The following VMP1 variants were observed in gnomAD, a reference collection of about 807,000 sequenced individuals.
The protein encoded by VMP1 is ectopic P-granules autophagy protein 3 homolog.
Under a neutral mutation model 56.0 loss-of-function variants are expected in VMP1, and 11 were observed. The observed-to-expected ratio is 0.20, with a 90% CI of 0.12 to 0.32. VMP1 has a LOEUF of 0.32. VMP1 is among the 10% of genes least tolerant of loss of function. VMP1 has a pLI of 1.00. For synonymous variants in VMP1, 149 were observed against 165.0 expected (o/e 0.90, Z 0.74); for missense variants, 296 against 490.3 (o/e 0.60, Z 3.74).
chr17:59,829,279 G>T (rs1239886312), intron 10 of VMP1, among the ~76,000 whole-genome samples: 2 of 152,052 alleles, frequency 1.3e-5, no homozygotes, highest in Non-Finnish European at 2.9e-5. Flanking sequence ...ACTTATTCTG[G>T]ATTAATAAAG....
At chr17:59,760,500 A>G (rs189325056) in intron 5 of VMP1, among the ~76,000 whole-genome samples, 5 of 151,972 alleles carry the variant, frequency 3.3e-5, no homozygotes, top group Admixed American at 3.3e-4. Context: ...TTCCCTGTAG[A>G]TGTTTTATTT....
intron 7 of VMP1, among the ~76,000 whole-genome samples, chr17:59,793,946 A>C (rs1383370478): frequency 6.7e-6 from 1 of 149,288 alleles, no homozygotes; most frequent in Non-Finnish European, 1.5e-5. Flanking sequence ...TTCAAGACAG[A>C]GTCTTGCTCT....
At chr17:59,736,139 G>A (rs1164698404) in intron 3 of VMP1, among the ~76,000 whole-genome samples, 1 of 152,124 alleles carries the variant, frequency 6.6e-6, no homozygotes, top group East Asian at 1.9e-4. Flanking sequence ...TAGGCCAGGC[G>A]TGGTGGCTCA....
At chr17:59,750,679 T>C (rs2035606778) in intron 5 of VMP1, among the ~76,000 whole-genome samples, 2 of 152,166 alleles carry the variant, frequency 1.3e-5, no homozygotes, top group Non-Finnish European at 2.9e-5. Context: ...TATAGTGAGG[T>C]ATATTGTACT....
At position 59,815,573 on chromosome 17, in the gene VMP1, G is replaced by A. The variant is rs903454492; in HGVS notation, c.913-2139G>A. 1.1e-4 allele frequency among the ~76,000 whole-genome samples: 16 copies of A among 152,218 alleles called. No individual in the cohort carries two copies. In the East Asian group the frequency reaches 2.3e-3, roughly 22 times the overall value. On this transcript the variant is annotated intron_variant, in intron 9 of 11. Coordinates refer to ENST00000262291, the MANE Select transcript of VMP1 (RefSeq NM_030938.5). ...ATCTGTCTTAAGATTCTTCTTTCTG[G>A]CCGGGTGCGGTGGCTCACGCCTGTA...
At chr17:59,830,406 AT>A (rs1175668415) in intron 10 of VMP1, among the ~76,000 whole-genome samples, 1 of 152,120 alleles carries the variant, frequency 6.6e-6, no homozygotes, top group African/African-American at 2.4e-5. Context: ...CTCCTGAAAA[AT>A]TTTTTTTTTC....
intron 1 of VMP1, among the ~76,000 whole-genome samples, chr17:59,723,693 G>A (rs76331770): frequency 1.9e-3 from 284 of 152,282 alleles, no homozygotes; most frequent in Admixed American, 4.3e-3. Context: ...ATTTTCTGGT[G>A]AGAATAAAGG....
intron 1 of VMP1, among the ~76,000 whole-genome samples, chr17:59,709,416 A>G (rs915247407): frequency 1.3e-5 from 2 of 152,260 alleles, no homozygotes; most frequent in South Asian, 4.1e-4. Context: ...ACACTTGTTA[A>G]GTAATGGCTG....
intron 7 of VMP1, among the ~76,000 whole-genome samples, chr17:59,798,312 AT>A (rs1338042979): frequency 6.6e-6 from 1 of 152,176 alleles, no homozygotes; most frequent in Non-Finnish European, 1.5e-5. Flanking sequence ...TGGATTATGT[AT>A]TTCCTGTGTG....
rs530907168 is a variant in VMP1 at position 59,821,539 on chromosome 17, C to CTTTTTTTTTTT, written c.974+3779_974+3789dup. On this transcript the variant is annotated intron_variant, in intron 10 of 11. Coordinates refer to ENST00000262291, the MANE Select transcript of VMP1 (RefSeq NM_030938.5). The stretch of plus-strand genomic sequence containing the variant: ...TACAGGGATTACCTCAGCTACTTTT[C>CTTTTTTTTTTT]TTTTTTTTTTTTTTTTTTTTTTTGA... 3.0e-3 allele frequency among the ~76,000 whole-genome samples: 309 copies of CTTTTTTTTTTT among 104,660 alleles called. 8 individuals are homozygous for CTTTTTTTTTTT. The highest frequency in any genetic ancestry group is 0.011 in the African/African-American group (300 of 26,240). 68.7% of individuals were successfully genotyped at this position (104,660 alleles called of 152,430 possible).
In VMP1 at chr17:59,832,757, C is replaced by CAA. The variant is rs2038855643; in HGVS notation, c.975-5537_975-5536dup. Reference sequence around the variant, plus strand: ...TATGGGCGCCCACCACCGTGCCTGGCAATATTTTTTTTTTTTTTTTTTTTT... The same window carrying CAA: ...TATGGGCGCCCACCACCGTGCCTGGCAAAATATTTTTTTTTTTTTTTTTTTTT... On this transcript the variant is annotated intron_variant, in intron 10 of 11. Transcript: ENST00000262291. Among the ~76,000 whole-genome samples the CAA allele has an allele frequency of 3.2e-5, 4 of 124,272 alleles. No homozygotes were observed. The Admixed American group carries it at 3.7e-4, about 11-fold the overall frequency. The allele number at this position is 124,272 out of a possible 152,430, so 81.5% of individuals were successfully genotyped here.
At chr17:59,760,669 G>A (rs1413155058) in intron 5 of VMP1, among the ~76,000 whole-genome samples, 1 of 152,104 alleles carries the variant, frequency 6.6e-6, no homozygotes, top group Non-Finnish European at 1.5e-5. Context: ...ACGTCAGGCT[G>A]GAGTGCAGTG....
intron 7 of VMP1, among the ~76,000 whole-genome samples, chr17:59,779,905 C>G (rs1227970339): frequency 6.6e-6 from 1 of 152,192 alleles, no homozygotes; most frequent in Non-Finnish European, 1.5e-5. Context: ...GTTCCTAAAA[C>G]TAAGATCTTC....
chr17:59,801,433 T>A (rs961636721), intron 7 of VMP1, among the ~76,000 whole-genome samples: 15 of 151,216 alleles, frequency 9.9e-5, no homozygotes, highest in African/African-American at 2.9e-4. Flanking sequence ...TTTTAATTAG[T>A]TATAGAGACT....
chr17:59,717,609 C>G (rs1185631042), intron 1 of VMP1, among the ~76,000 whole-genome samples: 1 of 152,186 alleles, frequency 6.6e-6, no homozygotes, highest in Admixed American at 6.5e-5. Flanking sequence ...TCTGGAACTC[C>G]TGGCCTCAAA....
At chr17:59,803,035 G>A (rs1043853696) in intron 7 of VMP1, among the ~76,000 whole-genome samples, 45 of 152,312 alleles carry the variant, frequency 3.0e-4, no homozygotes, top group Middle Eastern at 3.4e-3. Context: ...ATGAGCCACC[G>A]CATATGGCCT....
chr17:59,783,369 T>C (rs1053597348), intron 7 of VMP1, among the ~76,000 whole-genome samples: 1 of 152,200 alleles, frequency 6.6e-6, no homozygotes, highest in African/African-American at 2.4e-5. Context: ...GAGTACAATG[T>C]TGAGATTAGG....
intron 7 of VMP1, among the ~76,000 whole-genome samples, chr17:59,789,528 CA>C (rs556002609): frequency 6.3e-4 from 86 of 135,936 alleles, no homozygotes; most frequent in Non-Finnish European, 6.1e-4. Flanking sequence ...AAGCAAGTCT[CA>C]AAAAAAAAAA....
At chr17:59,752,857 GTAAC>G (rs1187111805) in intron 5 of VMP1, among the ~76,000 whole-genome samples, 2 of 152,142 alleles carry the variant, frequency 1.3e-5, no homozygotes, top group East Asian at 1.9e-4. Flanking sequence ...TTTTTAAAAA[GTAAC>G]TATGTAAGAT....
Sources: allele counts gnomAD v4.1 joint callset (sites outside exome capture counted in the v4.1 genomes callset), GRCh38; gene constraint gnomAD v4.1.1; transcripts MANE v1.5; gene names NCBI Gene and HGNC (gene_info 2026-07-23, HGNC 2026-07-21).